PREX2: variants seen among roughly 807,000 people sequenced by gnomAD.
The protein encoded by PREX2 is phosphatidylinositol-3,4,5-trisphosphate dependent Rac exchange factor 2.
Under a neutral mutation model 203.2 loss-of-function variants are expected in PREX2, and 107 were observed. The ratio of observed to expected loss-of-function variants is 0.53; its 90% confidence interval spans 0.45 to 0.62. The LOEUF is 0.62. PREX2 is among the 20% of genes least tolerant of loss of function. The pLI, the probability that PREX2 is intolerant of heterozygous loss-of-function variation, is 0.00. For synonymous variants in PREX2, 672 were observed against 663.6 expected (o/e 1.01, Z -0.19); for missense variants, 1,777 against 1,955.9 (o/e 0.91, Z 1.72).
chr8:67,960,948 T>G (rs914508421), intron 1 of PREX2, among the ~76,000 whole-genome samples: 3 of 150,446 alleles, frequency 2.0e-5, no homozygotes, highest in African/African-American at 7.4e-5. Flanking sequence ...TAAGCACTTC[T>G]GGTTTATTAC....
chr8:68,181,690 T>A (rs1264610970), intron 35 of PREX2, among the ~76,000 whole-genome samples: 1 of 152,126 alleles, frequency 6.6e-6, no homozygotes, highest in Non-Finnish European at 1.5e-5. Flanking sequence ...TTTTCAGTAT[T>A]TTTTGATATG....
intron 37 of PREX2, among the ~76,000 whole-genome samples, chr8:68,215,441 A>C (rs966581857): frequency 1.3e-5 from 2 of 152,228 alleles, no homozygotes; most frequent in African/African-American, 4.8e-5. Flanking sequence ...AGGATCAATA[A>C]AGATTTAAAA....
intron 35 of PREX2, among the ~76,000 whole-genome samples, chr8:68,181,483 G>A (rs2129614438): frequency 6.6e-6 from 1 of 152,172 alleles, no homozygotes; most frequent in East Asian, 1.9e-4. Context: ...TGCTTCAGTT[G>A]ATTTGAATTA....
intron 1 of PREX2, among the ~76,000 whole-genome samples, chr8:67,967,033 T>G (rs1031919058): frequency 6.6e-6 from 1 of 152,242 alleles, no homozygotes; most frequent in Non-Finnish European, 1.5e-5. Context: ...TGCATGTGTT[T>G]TGACATTTTA....
intron 22 of PREX2, 136 bp downstream of exon 22, chr8:68,097,337 T>G: frequency 1.4e-6 from 1 of 717,044 alleles, no homozygotes; most frequent in Non-Finnish European, 2.2e-6. Flanking sequence ...TTTTTTTTTT[T>G]TTCTTGAGAC....
intron 34 of PREX2, among the ~76,000 whole-genome samples, chr8:68,149,647 A>G (rs1400028545): frequency 2.0e-5 from 3 of 152,164 alleles, no homozygotes; most frequent in Admixed American, 1.3e-4. Flanking sequence ...CCACTGACTA[A>G]ATTTCCTGAT....
Position 68,087,799 on chromosome 8 carries a change from T to C in PREX2, c.2103T>C (p.Ala701=). The change falls in exon 19 of 40, where the codon GCT becomes GCC. Residue 701 remains alanine, a synonymous_variant. Transcript: ENST00000288368. ...IRGFGPSVVH[A]VGRGTVAAAA... ...GATTTGGCCCTTCTGTTGTGCATGC[T>C]GTAGGAAGAGGTAGGAAATTCGTCT... 6.2e-7 allele frequency: 1 copy of C among 1,610,494 alleles called. No homozygotes were observed.
intron 35 of PREX2, 115 bp from the exon 36 acceptor site, chr8:68,191,607 A>G: frequency 2.8e-6 from 2 of 725,730 alleles, no homozygotes; most frequent in Admixed American, 2.5e-5. Context: ...CTAATGTTCA[A>G]TGCTTTTGTT....
chr8:68,011,480 C>T (rs1401929206), intron 1 of PREX2, among the ~76,000 whole-genome samples: 2 of 151,936 alleles, frequency 1.3e-5, no homozygotes, highest in Non-Finnish European at 2.9e-5. Flanking sequence ...TAACATTCAG[C>T]TTTGGTGTAC....
intron 35 of PREX2, among the ~76,000 whole-genome samples, chr8:68,157,781 A>G (rs996429013): frequency 3.9e-5 from 6 of 152,038 alleles, no homozygotes; most frequent in Non-Finnish European, 7.4e-5. Context: ...AGGGTAAAAC[A>G]GGTTTCTCTA....
chr8:68,085,585 A>G (rs933153009), intron 18 of PREX2, among the ~76,000 whole-genome samples: 15 of 152,176 alleles, frequency 9.9e-5, no homozygotes, highest in African/African-American at 3.6e-4. Context: ...ACTTTGTAGC[A>G]GATAATTTAG....
intron 11 of PREX2, among the ~76,000 whole-genome samples, chr8:68,062,968 A>C (rs1413473661): frequency 6.6e-6 from 1 of 152,216 alleles, no homozygotes; most frequent in East Asian, 1.9e-4. Context: ...TGCTGAATGA[A>C]TGAATAATTA....
At chr8:68,187,874 C>T (rs975087160) in intron 35 of PREX2, among the ~76,000 whole-genome samples, 2 of 152,194 alleles carry the variant, frequency 1.3e-5, no homozygotes, top group Non-Finnish European at 2.9e-5. Flanking sequence ...ACACTGAGGC[C>T]TCTGGCCTGC....
Position 68,165,356 on chromosome 8 carries a change from G to C in PREX2, c.4346+7920G>C, listed in dbSNP as rs1209517372. Among the ~76,000 whole-genome samples the C allele has an allele frequency of 2.6e-5, 4 of 152,086 alleles. No individual in the cohort carries two copies. In the East Asian group the frequency reaches 7.7e-4, roughly 29 times the overall value. On this transcript the variant is annotated intron_variant, in intron 35 of 39. Coordinates refer to ENST00000288368, the MANE Select transcript of PREX2 (RefSeq NM_024870.4). ...AAGCAATTGTCAGCTAGGCAACAAAGGTGTATTTTGGAGACCCATCTTGTT... is the reference window on the plus strand; with the variant it reads ...AAGCAATTGTCAGCTAGGCAACAAACGTGTATTTTGGAGACCCATCTTGTT...
chr8:68,124,180 T>C (rs1317070952), intron 30 of PREX2, among the ~76,000 whole-genome samples: 2 of 152,004 alleles, frequency 1.3e-5, no homozygotes, highest in Non-Finnish European at 2.9e-5. Flanking sequence ...CATAAAGATA[T>C]GTGCACACGT....
At chr8:68,170,105 G>A (rs1016418654) in intron 35 of PREX2, among the ~76,000 whole-genome samples, 2 of 152,184 alleles carry the variant, frequency 1.3e-5, no homozygotes, top group African/African-American at 4.8e-5. Context: ...CAGAGCCAGT[G>A]AATGGATGCA....
In PREX2 at chr8:68,235,001, A is replaced by G. The variant is rs985557499; in HGVS notation, c.*3623A>G. On this transcript the variant is annotated 3_prime_UTR_variant, in exon 40 of 40. Coordinates refer to ENST00000288368, the MANE Select transcript of PREX2 (RefSeq NM_024870.4). ...GTTAATTAATTTAACAAAACACACT[A>G]TTTTCAGTCCTTTGGGCTTGTACAT... The G allele has an allele frequency of 6.6e-6, 1 of 152,104 alleles. No individual in the cohort carries two copies. Among genetic ancestry groups the G allele is most frequent in the South Asian group, 2.1e-4 (1 of 4,818 alleles). The allele number at this position is 152,104 out of a possible 1,614,324, so 9.4% of individuals were successfully genotyped here.
chr8:68,171,009 T>G (rs1469585022), intron 35 of PREX2, among the ~76,000 whole-genome samples: 1 of 152,114 alleles, frequency 6.6e-6, no homozygotes, highest in African/African-American at 2.4e-5. Context: ...GGGTTTAGAT[T>G]ATTATGTTTA....
intron 8 of PREX2, 22 bp from the exon 9 acceptor site, chr8:68,053,074 TG>T: frequency 1.2e-6 from 2 of 1,602,600 alleles, no homozygotes; most frequent in Non-Finnish European, 1.7e-6. Flanking sequence ...TTTGTTCATT[TG>T]CCTTTACCCA....
Sources: allele counts gnomAD v4.1 joint callset (sites outside exome capture counted in the v4.1 genomes callset), GRCh38; gene constraint gnomAD v4.1.1; transcripts MANE v1.5; gene names NCBI Gene and HGNC (gene_info 2026-07-23, HGNC 2026-07-21).